PPARGC1A: variants seen among roughly 807,000 people sequenced by gnomAD.
PPARGC1A encodes PPARG coactivator 1 alpha.
In PPARGC1A, 25 loss-of-function variants were observed where a neutral mutation model predicts 88.7. That is an observed-to-expected ratio of 0.28 (90% CI 0.21 to 0.39). The LOEUF is 0.39. Among genes scored for constraint, PPARGC1A ranks in the 10% least tolerant of loss-of-function variants. PPARGC1A has a pLI of 1.00. For missense variants in PPARGC1A, 880 were observed against 968.7 expected, an observed-to-expected ratio of 0.91 and a Z score of 1.22; for synonymous variants, 363 against 355.6, an observed-to-expected ratio of 1.02 and a Z score of -0.24.
chr4:24,359,810 C>T, the PPARGC1A span, among the ~76,000 whole-genome samples: 2 of 152,144 alleles, frequency 1.3e-5, no homozygotes, highest in African/African-American at 4.8e-5. Flanking sequence ...TGAATTCTTC[C>T]CTGGAATTTT....
At chr4:24,454,744 A>C in the PPARGC1A span, among the ~76,000 whole-genome samples, 335 of 152,166 alleles carry the variant, frequency 2.2e-3, no homozygotes, top group African/African-American at 7.6e-3. Flanking sequence ...TCTCAAAAAA[A>C]AAAAAATCTG....
chr4:24,081,375 C>G, the PPARGC1A span, among the ~76,000 whole-genome samples: 1 of 152,048 alleles, frequency 6.6e-6, no homozygotes, highest in Non-Finnish European at 1.5e-5. Flanking sequence ...GGTGTGCTTC[C>G]TTTTCCTGTG....
chr4:23,899,090 C>A (rs563549814), intron 1 of PPARGC1A, among the ~76,000 whole-genome samples: 3 of 140,022 alleles, frequency 2.1e-5, no homozygotes, highest in South Asian at 2.3e-4. Context: ...TCCACCCCCC[C>A]CCGGCCTTGG....
the PPARGC1A span, among the ~76,000 whole-genome samples, chr4:24,196,535 G>A: frequency 1.3e-5 from 2 of 152,160 alleles, no homozygotes; most frequent in Non-Finnish European, 2.9e-5. Context: ...AGCAAAAGTA[G>A]CACTGACTCA....
At chr4:24,459,508 G>A in the PPARGC1A span, among the ~76,000 whole-genome samples, 1 of 151,736 alleles carries the variant, frequency 6.6e-6, no homozygotes, top group African/African-American at 2.4e-5. Flanking sequence ...AAAAAAAACT[G>A]GGCCAGGTGC....
chr4:24,297,644 C>T, the PPARGC1A span, among the ~76,000 whole-genome samples: 1 of 152,126 alleles, frequency 6.6e-6, no homozygotes, highest in Non-Finnish European at 1.5e-5. Flanking sequence ...AAAAATAACA[C>T]TTCATCAGGA....
chr4:23,928,766 A>C, the PPARGC1A span, among the ~76,000 whole-genome samples: 10 of 7,686 alleles, frequency 1.3e-3, 1 homozygote, highest in South Asian at 0.016. Flanking sequence ...AAAAACAAAA[A>C]AAACAAAAAA....
At chr4:23,877,537 CAAAAAAAAAAAAAA>C (rs11354781) in intron 2 of PPARGC1A, among the ~76,000 whole-genome samples, 3 of 49,868 alleles carry the variant, frequency 6.0e-5, no homozygotes, top group African/African-American at 2.9e-4. Context: ...GACTCCATCT[CAAAAAAAAAAAAAA>C]AAAAAAAAAA....
the PPARGC1A span, among the ~76,000 whole-genome samples, chr4:23,980,778 G>A: frequency 6.6e-6 from 1 of 152,150 alleles, no homozygotes; most frequent in East Asian, 1.9e-4. Context: ...AGGTTCTGAA[G>A]TGGAGCCTAT....
chr4:23,837,072 C>T (rs945852763), intron 2 of PPARGC1A, among the ~76,000 whole-genome samples: 1 of 152,200 alleles, frequency 6.6e-6, no homozygotes, highest in African/African-American at 2.4e-5. Flanking sequence ...GATTCTCACA[C>T]TCGCTTGATC....
At chr4:24,119,111 G>A in the PPARGC1A span, among the ~76,000 whole-genome samples, 15 of 152,288 alleles carry the variant, frequency 9.8e-5, no homozygotes, top group African/African-American at 3.6e-4. Context: ...GTGGGATGGT[G>A]AGCCTGCTTT....
the PPARGC1A span, among the ~76,000 whole-genome samples, chr4:24,413,940 A>T: frequency 6.6e-6 from 1 of 152,226 alleles, no homozygotes; most frequent in East Asian, 1.9e-4. Context: ...AAGAAATACT[A>T]CCGGGATTTT....
intron 1 of PPARGC1A, among the ~76,000 whole-genome samples, chr4:23,887,205 T>G (rs1399006887): frequency 1.3e-5 from 2 of 150,966 alleles, no homozygotes; most frequent in South Asian, 2.1e-4. Flanking sequence ...GCTCGTGCGC[T>G]CTCTCTCTCT....
At chr4:24,384,558 C>CAAAAAAAAAAAAAAAA in the PPARGC1A span, among the ~76,000 whole-genome samples, 1 of 53,962 alleles carries the variant, frequency 1.9e-5, no homozygotes, top group Non-Finnish European at 4.3e-5. Context: ...AAATGGAAAG[C>CAAAAAAAAAAAAAAAA]AAAAAAAAAA....
the PPARGC1A span, among the ~76,000 whole-genome samples, chr4:24,141,525 T>A: frequency 6.6e-5 from 10 of 152,090 alleles, no homozygotes; most frequent in Non-Finnish European, 1.5e-4. Context: ...TGGCTAGAGG[T>A]GGAGAACATG....
intron 2 of PPARGC1A, chr4:23,879,936 A>T (rs947536473): frequency 6.8e-6 from 1 of 147,408 alleles, no homozygotes; most frequent in African/African-American, 2.7e-5. Context: ...TACTTTGAGT[A>T]AACCAAGCTC....
At chr4:23,984,956 C>T in the PPARGC1A span, among the ~76,000 whole-genome samples, 2 of 152,016 alleles carry the variant, frequency 1.3e-5, no homozygotes, top group South Asian at 2.1e-4. Context: ...TTAGAGTTGT[C>T]GGACGAACCC....
At chr4:24,147,711 T>A in the PPARGC1A span, among the ~76,000 whole-genome samples, 7 of 151,926 alleles carry the variant, frequency 4.6e-5, no homozygotes, top group African/African-American at 7.3e-5. Context: ...AAGAGTGAGG[T>A]CTTATTAATT....
At chr4:24,383,705 C>T in the PPARGC1A span, among the ~76,000 whole-genome samples, 1 of 152,148 alleles carries the variant, frequency 6.6e-6, no homozygotes, top group African/African-American at 2.4e-5. Flanking sequence ...TGTACAAAGC[C>T]TCCAAGAAAT....
Sources: allele counts gnomAD v4.1 joint callset (sites outside exome capture counted in the v4.1 genomes callset), GRCh38; gene constraint gnomAD v4.1.1; transcripts MANE v1.5; gene names NCBI Gene and HGNC (gene_info 2026-07-23, HGNC 2026-07-21).